Variants in PDE1A observed in about 807,000 individuals in gnomAD.
PDE1A encodes the protein dual specificity calcium/calmodulin-dependent 3',5'-cyclic nucleotide phosphodiesterase 1A.
A neutral mutation model predicts 61.7 loss-of-function variants in PDE1A; 35 were observed. The ratio of observed to expected loss-of-function variants is 0.57; its 90% CI spans 0.43 to 0.75. The LOEUF is 0.75. Among genes scored for constraint, PDE1A ranks in the 30% least tolerant of loss-of-function variants. The pLI is 0.00. For missense variants in PDE1A, 597 were observed against 630.6 expected (o/e 0.95, Z 0.57); for synonymous variants, 232 against 213.2 (o/e 1.09, Z -0.77).
intron 2 of PDE1A, among the ~76,000 whole-genome samples, chr2:182,476,961 A>G (rs929207402): frequency 6.6e-6 from 1 of 151,940 alleles, no homozygotes; most frequent in African/African-American, 2.4e-5. Context: ...TGCATTATAC[A>G]TGACACATTT....
At chr2:182,561,403 C>T in the PDE1A span, among the ~76,000 whole-genome samples, 9 of 152,046 alleles carry the variant, frequency 5.9e-5, no homozygotes, top group East Asian at 1.7e-3. Context: ...CTGTTCTGTT[C>T]CATTGATCTA....
At chr2:182,255,633 C>T (rs1206855838) in intron 2 of PDE1A, among the ~76,000 whole-genome samples, 1 of 151,480 alleles carries the variant, frequency 6.6e-6, no homozygotes, top group Non-Finnish European at 1.5e-5. Flanking sequence ...AGTTCATCTA[C>T]ACTTTTTCTT....
chr2:182,443,332 T>A (rs1399017665), intron 2 of PDE1A, among the ~76,000 whole-genome samples: 5 of 152,100 alleles, frequency 3.3e-5, no homozygotes, highest in Non-Finnish European at 5.9e-5. Flanking sequence ...TATTTAAGCT[T>A]CATAAATCAC....
chr2:182,312,171 GTTC>G (rs1228866485), intron 1 of PDE1A, among the ~76,000 whole-genome samples: 2 of 151,870 alleles, frequency 1.3e-5, no homozygotes, highest in African/African-American at 2.4e-5. Flanking sequence ...AATTTTGAGA[GTTC>G]TTTATATATT....
At chr2:182,287,880 ATGTGT>A (rs1694268800) in intron 1 of PDE1A, among the ~76,000 whole-genome samples, 4 of 152,142 alleles carry the variant, frequency 2.6e-5, no homozygotes, top group Admixed American at 2.6e-4. Flanking sequence ...TTTTATATTT[ATGTGT>A]AGTAAACCAC....
intron 2 of PDE1A, among the ~76,000 whole-genome samples, chr2:182,453,005 C>G (rs144035982): frequency 1.3e-5 from 2 of 152,232 alleles, no homozygotes; most frequent in East Asian, 1.9e-4. Flanking sequence ...CAGATCCAAG[C>G]TGACCTATTA....
the PDE1A span, among the ~76,000 whole-genome samples, chr2:182,656,312 C>T: frequency 1.3e-5 from 2 of 152,274 alleles, no homozygotes; most frequent in South Asian, 4.1e-4. Flanking sequence ...ATGAAAATAA[C>T]ATTCATTACA....
intron 13 of PDE1A, among the ~76,000 whole-genome samples, chr2:182,153,741 C>G (rs764540266): frequency 1.1e-4 from 16 of 152,102 alleles, no homozygotes; most frequent in Non-Finnish European, 1.9e-4. Context: ...TGGAAATGAT[C>G]AGATTTGGCT....
Position 182,454,455 on chromosome 2 carries a change from C to T in PDE1A, c.101+67821G>A, listed in dbSNP as rs529221850. Among the ~76,000 whole-genome samples, 285 of 152,126 alleles carry T rather than the reference C, an allele frequency of 1.9e-3. 1 individual carries two copies. The highest frequency in any genetic ancestry group is 5.8e-3 in the African/African-American group (241 of 41,526). ...TATGGAACCAAAAAAGAGCCCGCAT[C>T]GCCAAGTCAATCCTAAGCCAAAAGA... is the stretch of plus-strand genomic sequence containing the variant. On this transcript the variant is annotated intron_variant, in intron 2 of 14. Coordinates refer to the PDE1A transcript ENST00000410103.
At chr2:182,442,863 CT>C (rs2125683846) in intron 2 of PDE1A, among the ~76,000 whole-genome samples, 1 of 152,138 alleles carries the variant, frequency 6.6e-6, no homozygotes, top group Admixed American at 6.6e-5. Context: ...TACATCAAAA[CT>C]TTGTGATGCC....
the PDE1A span, among the ~76,000 whole-genome samples, chr2:182,713,607 G>A: frequency 6.6e-6 from 1 of 152,088 alleles, no homozygotes; most frequent in East Asian, 1.9e-4. Flanking sequence ...CTCCAGCCTG[G>A]ACAATAAGAA....
intron 1 of PDE1A, among the ~76,000 whole-genome samples, chr2:182,410,333 C>A (rs1702541658): frequency 6.6e-6 from 1 of 151,896 alleles, no homozygotes; most frequent in Non-Finnish European, 1.5e-5. Flanking sequence ...TGCTGCTGCA[C>A]CCCAGCCTGG....
intron 1 of PDE1A, among the ~76,000 whole-genome samples, chr2:182,352,394 A>G (rs1698933157): frequency 6.6e-6 from 1 of 152,220 alleles, no homozygotes; most frequent in Non-Finnish European, 1.5e-5. Flanking sequence ...TTCTGAACCC[A>G]GGAGCCTTAT....
At chr2:182,410,608 G>A (rs1387847220) in intron 1 of PDE1A, among the ~76,000 whole-genome samples, 1 of 152,190 alleles carries the variant, frequency 6.6e-6, no homozygotes, top group African/African-American at 2.4e-5. Context: ...CACATGATCA[G>A]TGTCATTCTG....
intron 1 of PDE1A, among the ~76,000 whole-genome samples, chr2:182,421,615 T>C (rs1574618138): frequency 6.6e-6 from 1 of 152,302 alleles, no homozygotes; most frequent in East Asian, 1.9e-4. Flanking sequence ...ATGCCTGGCA[T>C]TAAATTTACC....
At position 182,307,739 on chromosome 2, in the gene PDE1A, G is replaced by A. The variant is rs115180807; in HGVS notation, c.54-43325C>T. Reference sequence around the variant, plus strand: ...AAAAAAATGCTTTGCTGGGAATCATGGCTTACACTTATAGTCCTAGCTACC... The same window carrying A: ...AAAAAAATGCTTTGCTGGGAATCATAGCTTACACTTATAGTCCTAGCTACC... On this transcript the variant is annotated intron_variant, in intron 1 of 13. Coordinates refer to ENST00000351439, the Ensembl canonical transcript of PDE1A. 2.5e-3 allele frequency among the ~76,000 whole-genome samples: 379 copies of A among 152,234 alleles called. 3 individuals carry two copies. The highest frequency in any genetic ancestry group is 8.7e-3 in the African/African-American group (361 of 41,540).
intron 10 of PDE1A, among the ~76,000 whole-genome samples, chr2:182,195,117 T>C (rs1446901722): frequency 1.3e-5 from 2 of 152,102 alleles, no homozygotes; most frequent in Non-Finnish European, 2.9e-5. Context: ...ACTTGATGAT[T>C]GTGTTGGAAA....
intron 1 of PDE1A, among the ~76,000 whole-genome samples, chr2:182,390,958 A>G (rs901650851): frequency 2.6e-5 from 4 of 152,152 alleles, no homozygotes; most frequent in Non-Finnish European, 1.5e-5. Context: ...CTCAGGACCC[A>G]CCACAACAGC....
the PDE1A span, among the ~76,000 whole-genome samples, chr2:182,642,316 G>A: frequency 1.3e-5 from 2 of 152,156 alleles, no homozygotes; most frequent in African/African-American, 4.8e-5. Context: ...TTAAATCCAG[G>A]AATTTAAACA....
Sources: allele counts gnomAD v4.1 joint callset (sites outside exome capture counted in the v4.1 genomes callset), GRCh38; gene constraint gnomAD v4.1.1; transcripts MANE v1.5; gene names NCBI Gene and HGNC (gene_info 2026-07-23, HGNC 2026-07-21).